The following SLC5A4 variants were observed in gnomAD, a reference collection of about 807,000 sequenced individuals.
SLC5A4 encodes solute carrier family 5 member 4.
Under a neutral mutation model 70.3 loss-of-function variants are expected in SLC5A4, and 55 were observed. The ratio of observed to expected loss-of-function variants is 0.78; its 90% CI spans 0.63 to 0.98. The LOEUF (loss-of-function observed/expected upper bound fraction) is 0.98, where lower values mean the gene tolerates loss of function less well. SLC5A4 is among the 50% of genes least tolerant of loss of function. SLC5A4 has a pLI of 0.00. For synonymous variants in SLC5A4, 268 were observed against 305.7 expected (o/e 0.88, Z 1.29); for missense variants, 735 against 839.2 (o/e 0.88, Z 1.53).
chr22:32,305,795 G>T, the SLC5A4 span, among the ~76,000 whole-genome samples: 3 of 151,358 alleles, frequency 2.0e-5, no homozygotes, highest in Admixed American at 2.0e-4. Context: ...TCACACCAGG[G>T]GCCACTGAAG....
chr22:32,354,959 C>T, the SLC5A4 span: 1 of 152,466 alleles, frequency 6.6e-6, no homozygotes, highest in South Asian at 2.1e-4. Flanking sequence ...TCCTTTTCCT[C>T]TAAGCTTCCA....
At chr22:32,304,963 C>T in the SLC5A4 span, among the ~76,000 whole-genome samples, 1 of 152,092 alleles carries the variant, frequency 6.6e-6, no homozygotes, top group Non-Finnish European at 1.5e-5. Context: ...TGTTCCAGCA[C>T]CATTTCTTGA....
the SLC5A4 span, among the ~76,000 whole-genome samples, chr22:32,354,039 G>A: frequency 6.7e-6 from 1 of 149,458 alleles, no homozygotes; most frequent in African/African-American, 2.5e-5. Context: ...GCCCCCGATA[G>A]CGCACCCAAC....
At chr22:32,265,390 G>A in the SLC5A4 span, among the ~76,000 whole-genome samples, 26 of 150,300 alleles carry the variant, frequency 1.7e-4, no homozygotes, top group South Asian at 4.2e-4. Context: ...CCTGTCTCAA[G>A]AAAAAAAAAT....
At chr22:32,258,299 C>T (rs1035964115), upstream of SLC5A4, among the ~76,000 whole-genome samples, 4 of 152,162 alleles carry the variant, frequency 2.6e-5, no homozygotes, top group Admixed American at 2.0e-4. Flanking sequence ...TTCTTACCCA[C>T]TTATTCTGGC....
At chr22:32,219,665 A>G (rs1311005932) in intron 14 of SLC5A4, among the ~76,000 whole-genome samples, 2 of 144,478 alleles carry the variant, frequency 1.4e-5, no homozygotes, top group African/African-American at 5.2e-5. Flanking sequence ...ATAAACCTAA[A>G]TAATGTAAAT....
chr22:32,241,821 GTGTGTGTATATATATATC>G (rs1926540022), intron 5 of SLC5A4, among the ~76,000 whole-genome samples: 1 of 145,332 alleles, frequency 6.9e-6, no homozygotes, highest in African/African-American at 2.7e-5. Context: ...ATCTGTATGT[GTGTGTGTATATATATATC>G]TGTGTGTGTG....
upstream of SLC5A4, among the ~76,000 whole-genome samples, chr22:32,257,860 G>A (rs1003922727): frequency 1.3e-5 from 2 of 151,124 alleles, no homozygotes; most frequent in East Asian, 3.9e-4. Context: ...GAGATGGATG[G>A]GGTTTCACCA....
intron 2 of SLC5A4, among the ~76,000 whole-genome samples, chr22:32,253,010 G>C (rs1927262273): frequency 6.6e-6 from 1 of 152,218 alleles, no homozygotes; most frequent in South Asian, 2.1e-4. Context: ...TTGGCTTCAA[G>C]ATCGCTTGAG....
chr22:32,240,061 T>C (rs60744612), intron 5 of SLC5A4, among the ~76,000 whole-genome samples: 16 of 141,880 alleles, frequency 1.1e-4, no homozygotes, highest in Non-Finnish European at 1.8e-4. Flanking sequence ...TGTACCAAAA[T>C]AGAATGCAAC....
the SLC5A4 span, among the ~76,000 whole-genome samples, chr22:32,341,095 T>C: frequency 6.6e-6 from 1 of 151,994 alleles, no homozygotes; most frequent in African/African-American, 2.4e-5. Flanking sequence ...GATGTGCCAG[T>C]CTCCCACGTC....
chr22:32,275,195 T>C, the SLC5A4 span, among the ~76,000 whole-genome samples: 2 of 152,242 alleles, frequency 1.3e-5, no homozygotes, highest in Non-Finnish European at 2.9e-5. Flanking sequence ...GTGCATACTC[T>C]GAACAAAAGG....
chr22:32,343,965 G>A, the SLC5A4 span, among the ~76,000 whole-genome samples: 2 of 152,068 alleles, frequency 1.3e-5, no homozygotes, highest in Non-Finnish European at 2.9e-5. Context: ...TGTAGGCTTC[G>A]AACAGTTGTA....
the SLC5A4 span, among the ~76,000 whole-genome samples, chr22:32,324,663 TCCACGG>T: frequency 5.9e-5 from 9 of 152,190 alleles, no homozygotes; most frequent in Non-Finnish European, 1.3e-4. Context: ...GGCAGAGATG[TCCACGG>T]CCTCAGTGTC....
the SLC5A4 span, among the ~76,000 whole-genome samples, chr22:32,279,754 T>C: frequency 6.6e-6 from 1 of 152,210 alleles, no homozygotes; most frequent in Non-Finnish European, 1.5e-5. Flanking sequence ...GGGGGTTATA[T>C]TCAAACCATA....
upstream of SLC5A4, among the ~76,000 whole-genome samples, chr22:32,258,567 TA>T (rs987511782): frequency 6.6e-6 from 1 of 151,448 alleles, no homozygotes; most frequent in Non-Finnish European, 1.5e-5. Flanking sequence ...ATAGCTATTA[TA>T]AAAAAAAGAA....
intron 7 of SLC5A4, among the ~76,000 whole-genome samples, chr22:32,235,373 G>C (rs1926001786): frequency 6.6e-6 from 1 of 152,116 alleles, no homozygotes; most frequent in African/African-American, 2.4e-5. Flanking sequence ...TAAAAATGAA[G>C]CTGTTATCCA....
chr22:32,306,694 G>A, the SLC5A4 span, among the ~76,000 whole-genome samples: 2 of 152,118 alleles, frequency 1.3e-5, no homozygotes, highest in East Asian at 1.9e-4. Context: ...GCTGGCCCTG[G>A]GGAGGACACA....
At chr22:32,269,486 AC>A in the SLC5A4 span, 1 of 556,642 alleles carries the variant, frequency 1.8e-6, no homozygotes, top group African/African-American at 1.9e-5. The surrounding 1 kb of genome is among the most constrained non-coding windows in gnomAD (Gnocchi z 4.1). Context: ...GCCCAACCAG[AC>A]CTGGCCCGGG....
Sources: gnomAD v4.1 joint callset for allele counts (sites outside exome capture counted in the v4.1 genomes callset) on GRCh38, gnomAD v4.1.1 for gene constraint, Gnocchi (gnomAD v3.1) non-coding constraint, MANE v1.5 for transcripts, NCBI Gene and HGNC (gene_info 2026-07-23, HGNC 2026-07-21) for gene names.